Variants in TMBIM4 observed in about 807,000 individuals in gnomAD.
The protein encoded by TMBIM4 is transmembrane BAX inhibitor motif containing 4.
Under a neutral mutation model 27.7 loss-of-function variants are expected in TMBIM4, and 28 were observed. The observed-to-expected ratio is 1.01, with a 90% CI of 0.75 to 1.38. The LOEUF (loss-of-function observed/expected upper bound fraction) is 1.38. Among genes scored for constraint, TMBIM4 ranks in the 40% most tolerant of loss-of-function variants. The pLI is 0.00. For synonymous variants in TMBIM4, 115 were observed against 113.1 expected (o/e 1.02, Z -0.11); for missense variants, 265 against 277.5 (o/e 0.95, Z 0.32).
chr12:66,142,475 T>C (rs1450697126), intron 5 of TMBIM4, among the ~76,000 whole-genome samples: 6 of 150,848 alleles, frequency 4.0e-5, no homozygotes, highest in South Asian at 2.1e-4. Flanking sequence ...AGGTCTGAGA[T>C]AAAGGACAGT....
At chr12:66,166,425 A>G (rs966013652) in intron 1 of TMBIM4, among the ~76,000 whole-genome samples, 9 of 148,412 alleles carry the variant, frequency 6.1e-5, no homozygotes, top group African/African-American at 5.1e-5. Flanking sequence ...TGACTGTACC[A>G]CTGCACTCCA....
intron 1 of TMBIM4, among the ~76,000 whole-genome samples, chr12:66,157,296 A>C (rs1173022722): frequency 3.9e-5 from 6 of 152,102 alleles, no homozygotes; most frequent in Non-Finnish European, 7.4e-5. Context: ...GTCTCCTGCC[A>C]ACAGCCAGTG....
chr12:66,137,867 A>C lies in TMBIM4; in HGVS notation c.*93T>G. ...TTGTTTCAAACTTTATTACTTAATG[A>C]AACAGTTTCTATATACTGCTTCCAA... is the stretch of plus-strand genomic sequence containing the variant. On this transcript the variant is annotated 3_prime_UTR_variant, in exon 7 of 7. Transcript: ENST00000358230. The C allele has an allele frequency of 4.2e-6, 4 of 950,614 alleles. No homozygotes were observed. The highest frequency in any genetic ancestry group is 6.4e-6 in the Non-Finnish European group (4 of 628,838). 58.9% of individuals were successfully genotyped at this position (950,614 alleles called of 1,614,324 possible). A position where few individuals can be genotyped will look rare whatever the true frequency, so the allele number is the denominator to read the frequency against.
At chr12:66,160,322 A>G (rs2052013281) in intron 1 of TMBIM4, 4 of 674,726 alleles carry the variant, frequency 5.9e-6, no homozygotes, top group Non-Finnish European at 1.1e-5. Context: ...AAATCAATCA[A>G]ATTTAAAATG....
At chr12:66,148,122 T>C (rs1267331379) in intron 3 of TMBIM4, among the ~76,000 whole-genome samples, 181 bp from the exon 4 acceptor site, 2 of 152,170 alleles carry the variant, frequency 1.3e-5, no homozygotes, top group Non-Finnish European at 2.9e-5. Context: ...CCTCAGTATA[T>C]TGAGTGGGAA....
rs143927562 is a variant in TMBIM4, at chr12:66,155,815, A to C, written c.98-2367T>G. 1.3e-3 allele frequency among the ~76,000 whole-genome samples: 202 copies of C among 152,366 alleles called. 2 individuals are homozygous for C. The highest frequency in any genetic ancestry group is 4.4e-3 in the African/African-American group (184 of 41,588). On this transcript the variant is annotated intron_variant, in intron 1 of 6. Transcript: ENST00000358230. Reference sequence around the variant, plus strand: ...CTAATGTTTATTTGTATATATGTACACAAGTGCATATGTAATAAAAGACTA... The same window carrying C: ...CTAATGTTTATTTGTATATATGTACCCAAGTGCATATGTAATAAAAGACTA...
rs538930836 is a variant in TMBIM4 at position 66,138,551 on chromosome 12, C to A, written c.510+173G>T. 3.3e-5 allele frequency among the ~76,000 whole-genome samples: 5 copies of A among 152,218 alleles called. No individual in the cohort carries two copies. In the South Asian group the frequency reaches 1.0e-3, roughly 32 times the overall value. On this transcript the variant is annotated intron_variant, in intron 6 of 6. Transcript: ENST00000358230. Reference sequence around the variant, plus strand: ...TTTTTCAGTCAATAATAAGGACCAACACAAGACCCTGATTTTCTAAAGGGA... The same window carrying A: ...TTTTTCAGTCAATAATAAGGACCAAAACAAGACCCTGATTTTCTAAAGGGA...
chr12:66,153,348 T>C lies in TMBIM4; in HGVS notation c.198A>G (p.Val66=), dbSNP rs1297865157. 3 of 1,556,850 alleles carry C rather than the reference T, an allele frequency of 1.9e-6. No homozygotes were observed. Among genetic ancestry groups the C allele is most frequent in the Non-Finnish European group, 1.8e-6 (2 of 1,141,478 alleles). The change falls in exon 2 of 7, where the codon GTA becomes GTG. Residue 66 remains valine (V), a synonymous_variant. Transcript: ENST00000358230. ...FLYFESVRTF[V]HESPALILLF... ...CCATCTCATTACCTTACCTCTCATGTACAAATGTCCGTACAGACTCAAAGT... is the reference window on the plus strand; with the variant it reads ...CCATCTCATTACCTTACCTCTCATGCACAAATGTCCGTACAGACTCAAAGT...
chr12:66,158,138 A>G (rs1276918184), intron 1 of TMBIM4, among the ~76,000 whole-genome samples: 1 of 150,122 alleles, frequency 6.7e-6, no homozygotes, highest in Non-Finnish European at 1.5e-5. Context: ...AGGCAGGAGA[A>G]TGGCATGAAC....
chr12:66,159,613 A>G (rs985691304), intron 1 of TMBIM4, among the ~76,000 whole-genome samples: 17 of 152,212 alleles, frequency 1.1e-4, no homozygotes, highest in Admixed American at 1.1e-3. Flanking sequence ...AATTTGTTAC[A>G]AAGCAATAGA....
At chr12:66,150,216 T>C (rs1435200412) in intron 3 of TMBIM4, among the ~76,000 whole-genome samples, 1 of 152,152 alleles carries the variant, frequency 6.6e-6, no homozygotes, top group Non-Finnish European at 1.5e-5. Flanking sequence ...GAATTCTATA[T>C]GGCCGTCTTT....
intron 5 of TMBIM4, among the ~76,000 whole-genome samples, chr12:66,142,593 C>T (rs1359953781): frequency 6.6e-6 from 1 of 151,796 alleles, no homozygotes; most frequent in Non-Finnish European, 1.5e-5. Context: ...AGAGAGGAAC[C>T]TTGAATTTAG....
chr12:66,154,844 T>C (rs11176062), intron 1 of TMBIM4, among the ~76,000 whole-genome samples: 11,669 of 152,236 alleles, frequency 0.077, 1,028 homozygotes, highest in East Asian at 0.51. Flanking sequence ...TCAAAATGCC[T>C]AAATATTAAA....
At chr12:66,160,020 C>A (rs772957670) in intron 1 of TMBIM4, 1 of 561,514 alleles carries the variant, frequency 1.8e-6, no homozygotes, top group Non-Finnish European at 3.2e-6. Flanking sequence ...CCAAAGCCAG[C>A]CCACTACCTG....
rs755673342 is a variant in TMBIM4 at position 66,145,883 on chromosome 12, TAC to T, written c.420_421del (p.Thr142SerfsTer4). 5.1e-4 allele frequency: 825 copies of T among 1,609,182 alleles called. No individual in the cohort carries two copies. Among genetic ancestry groups the T allele is most frequent in the Non-Finnish European group, 6.7e-4 (785 of 1,176,062 alleles). ...GAAATCCTTCTTAGATTGTAGAGTA[TAC>T]ACAGTCAAACCAAAAAATACTGTAG... is the stretch of plus-strand genomic sequence containing the variant. On this transcript the variant is annotated frameshift_variant, in exon 5 of 7. Coordinates refer to ENST00000358230, the MANE Select transcript of TMBIM4 (RefSeq NM_016056.4). LOFTEE classifies it high-confidence loss of function.
chr12:66,142,911 T>C (rs190005466), intron 5 of TMBIM4, among the ~76,000 whole-genome samples: 31 of 152,266 alleles, frequency 2.0e-4, no homozygotes, highest in African/African-American at 6.3e-4. Flanking sequence ...TCAGACACTA[T>C]TGACAATACA....
chr12:66,140,701 G>A (rs577637191), intron 5 of TMBIM4, among the ~76,000 whole-genome samples: 2 of 152,206 alleles, frequency 1.3e-5, no homozygotes, highest in South Asian at 4.1e-4. Context: ...TTCGAGTCCA[G>A]CCTAGGCAAC....
In TMBIM4 at chr12:66,138,078, G is replaced by C; in HGVS notation, c.599C>G (p.Ser200Ter). The C allele has an allele frequency of 6.2e-7, 1 of 1,614,028 alleles. No individual in the cohort carries two copies. Among genetic ancestry groups the C allele is most frequent in the Non-Finnish European group, 8.5e-7 (1 of 1,179,998 alleles). ...TTCAGGTGACAGTTTATGCATCAGT[G>C]AGTGTGTGTCATAGATGATGAATCC... ...FCGFIIYDTH[S>*]LMHKLSPEEY... Residue 200 changes from serine to a stop codon, truncating the protein, a stop_gained, in exon 7 of 7, where the codon TCA becomes TGA. Transcript: ENST00000358230. LOFTEE classifies it high-confidence loss of function.
intron 5 of TMBIM4, among the ~76,000 whole-genome samples, chr12:66,140,687 G>A (rs1339137457): frequency 6.6e-6 from 1 of 152,160 alleles, no homozygotes; most frequent in Non-Finnish European, 1.5e-5. Context: ...CTTGAACCCA[G>A]GAGTTCGAGT....
Sources: gnomAD v4.1 joint callset for allele counts (sites outside exome capture counted in the v4.1 genomes callset) on GRCh38, gnomAD v4.1.1 for gene constraint, MANE v1.5 for transcripts, NCBI Gene and HGNC (gene_info 2026-07-23, HGNC 2026-07-21) for gene names.